TMTC2: variants seen among roughly 807,000 people sequenced by gnomAD.
TMTC2 encodes the protein transmembrane O-mannosyltransferase targeting cadherins 2, also known as protein O-mannosyl-transferase TMTC2.
In TMTC2, 43 loss-of-function variants were observed where a neutral mutation model predicts 82.4. The observed-to-expected ratio is 0.52, with a 90% CI of 0.41 to 0.67. The LOEUF (loss-of-function observed/expected upper bound fraction) is 0.67, where lower values mean the gene tolerates loss of function less well. Ranked by LOEUF, TMTC2 falls within the 30% of genes least tolerant of loss-of-function variation. The pLI, the probability that TMTC2 is intolerant of heterozygous loss-of-function variation, is 0.00. For synonymous variants in TMTC2, 408 were observed against 381.9 expected, an observed-to-expected ratio of 1.07 and a Z score of -0.80; for missense variants, 919 against 1,012.4, an observed-to-expected ratio of 0.91 and a Z score of 1.25.
chr12:82,726,858 G>A (rs1023602859), intron 1 of TMTC2, among the ~76,000 whole-genome samples: 3 of 142,598 alleles, frequency 2.1e-5, no homozygotes, highest in African/African-American at 5.3e-5. Flanking sequence ...CAGCCTGGGC[G>A]AGAGTGCAAG....
At chr12:82,749,618 C>G (rs909953432) in intron 1 of TMTC2, among the ~76,000 whole-genome samples, 1 of 152,098 alleles carries the variant, frequency 6.6e-6, no homozygotes, top group African/African-American at 2.4e-5. Context: ...CTCTTGCAGC[C>G]TTACTTGTTC....
At chr12:82,691,863 T>C (rs1490528638) in intron 1 of TMTC2, among the ~76,000 whole-genome samples, 1 of 152,180 alleles carries the variant, frequency 6.6e-6, no homozygotes, top group Admixed American at 6.6e-5. Flanking sequence ...AAGTGATTAT[T>C]ATAAGAAGCC....
chr12:82,928,093 A>G (rs1875825773), intron 3 of TMTC2, among the ~76,000 whole-genome samples: 1 of 152,206 alleles, frequency 6.6e-6, no homozygotes, highest in African/African-American at 2.4e-5. Context: ...AGTATCAAAG[A>G]AATCAATTTA....
chr12:83,010,206 C>T (rs1880394054), intron 8 of TMTC2, among the ~76,000 whole-genome samples: 1 of 152,150 alleles, frequency 6.6e-6, no homozygotes, highest in Non-Finnish European at 1.5e-5. Flanking sequence ...CAATCTGAAA[C>T]CAGTTCAATT....
At chr12:82,821,745 G>A (rs1338081446) in intron 1 of TMTC2, among the ~76,000 whole-genome samples, 3 of 151,920 alleles carry the variant, frequency 2.0e-5, no homozygotes, top group African/African-American at 4.8e-5. Flanking sequence ...ACGGTAACAC[G>A]TGCCTGTAAT....
intron 1 of TMTC2, among the ~76,000 whole-genome samples, chr12:82,700,726 T>C (rs1327158786): frequency 2.6e-5 from 4 of 152,246 alleles, no homozygotes; most frequent in African/African-American, 7.2e-5. Context: ...TTTACCATGA[T>C]TGACTTTATG....
intron 4 of TMTC2, among the ~76,000 whole-genome samples, chr12:82,947,620 G>A (rs907479704): frequency 1.3e-5 from 2 of 152,112 alleles, no homozygotes; most frequent in African/African-American, 4.8e-5. Flanking sequence ...GTGAGCCACC[G>A]TGCCCAGCCT....
In TMTC2 at chr12:82,907,184, C is replaced by A. The variant is rs143430421; in HGVS notation, c.1483+10538C>A. On this transcript the variant is annotated intron_variant, in intron 3 of 11. Transcript: ENST00000321196. ...AGACGCCTTTAAGAATGAATTGGGG[C>A]CGGGCGTGGTGGCTCATGCCTATAA... Among the ~76,000 whole-genome samples, 736 of 152,156 alleles carry A rather than the reference C, an allele frequency of 4.8e-3. 1 individual carries two copies. The highest frequency in any genetic ancestry group is 7.7e-3 in the Non-Finnish European group (521 of 68,004).
At chr12:82,800,759 C>T (rs570117199) in intron 1 of TMTC2, among the ~76,000 whole-genome samples, 36 of 152,186 alleles carry the variant, frequency 2.4e-4, no homozygotes, top group South Asian at 1.0e-3. Flanking sequence ...AGGGTTTGTC[C>T]TTGTCGATTT....
chr12:82,993,092 C>T (rs1256015832), intron 8 of TMTC2, among the ~76,000 whole-genome samples: 2 of 152,112 alleles, frequency 1.3e-5, no homozygotes, highest in African/African-American at 4.8e-5. Context: ...TCAGGCGATT[C>T]TTCTGCCTCA....
At chr12:83,006,060 G>C (rs1880187320) in intron 8 of TMTC2, among the ~76,000 whole-genome samples, 1 of 152,186 alleles carries the variant, frequency 6.6e-6, no homozygotes, top group Non-Finnish European at 1.5e-5. Context: ...CAGCTCAACT[G>C]TCTGTAGGGG....
chr12:82,793,238 T>A (rs556112287), intron 1 of TMTC2, among the ~76,000 whole-genome samples: 8 of 152,260 alleles, frequency 5.3e-5, no homozygotes, highest in Non-Finnish European at 1.0e-4. Context: ...GTTCTTGGGT[T>A]CTTAAGATCT....
intron 11 of TMTC2, among the ~76,000 whole-genome samples, chr12:83,120,841 T>C (rs1466459769): frequency 6.6e-6 from 1 of 152,208 alleles, no homozygotes; most frequent in Non-Finnish European, 1.5e-5. Flanking sequence ...GGAGGCTTTG[T>C]TCATATTTTC....
At chr12:83,033,093 C>A (rs528553187) in intron 9 of TMTC2, among the ~76,000 whole-genome samples, 3 of 152,148 alleles carry the variant, frequency 2.0e-5, no homozygotes, top group African/African-American at 7.2e-5. Flanking sequence ...TCAATATTTT[C>A]TCCTACTTTG....
At chr12:82,806,991 C>A (rs761204544) in intron 1 of TMTC2, among the ~76,000 whole-genome samples, 1 of 152,104 alleles carries the variant, frequency 6.6e-6, no homozygotes, top group Non-Finnish European at 1.5e-5. Context: ...TAGCACAGAA[C>A]CCTGTTGAGT....
intron 1 of TMTC2, among the ~76,000 whole-genome samples, chr12:82,847,525 G>A (rs1444054142): frequency 6.6e-6 from 1 of 152,104 alleles, no homozygotes; most frequent in African/African-American, 2.4e-5. Context: ...ATTCACAATA[G>A]CAAAGACTTG....
chr12:82,876,933 T>C (rs1872611385), intron 2 of TMTC2, among the ~76,000 whole-genome samples: 1 of 152,226 alleles, frequency 6.6e-6, no homozygotes, highest in Non-Finnish European at 1.5e-5. Context: ...TGCCCAACAG[T>C]GCTCAGTTAA....
chr12:82,729,487 A>G (rs1374799497), intron 1 of TMTC2, among the ~76,000 whole-genome samples: 1 of 152,148 alleles, frequency 6.6e-6, no homozygotes, highest in Non-Finnish European at 1.5e-5. Context: ...GCACCAATCG[A>G]CACTCTGTAT....
chr12:82,935,157 G>T (rs1235747259), intron 4 of TMTC2, among the ~76,000 whole-genome samples: 2 of 152,052 alleles, frequency 1.3e-5, no homozygotes, highest in African/African-American at 4.8e-5. Context: ...GCATACCTGT[G>T]CTAAGAGCTG....
Sources: allele counts gnomAD v4.1 joint callset (sites outside exome capture counted in the v4.1 genomes callset), GRCh38; gene constraint gnomAD v4.1.1; transcripts MANE v1.5; gene names NCBI Gene and HGNC (gene_info 2026-07-23, HGNC 2026-07-21).